Variants in FRMPD2 observed in about 807,000 individuals in gnomAD.
The protein encoded by FRMPD2 is FERM and PDZ domain-containing protein 2.
FRMPD2 carries 96 observed loss-of-function variants against 140.1 expected under a neutral mutation model. The ratio of observed to expected loss-of-function variants is 0.69; its 90% CI spans 0.58 to 0.81. The LOEUF (loss-of-function observed/expected upper bound fraction) is 0.81, where lower values mean the gene tolerates loss of function less well. Ranked by LOEUF, FRMPD2 falls within the 40% of genes least tolerant of loss-of-function variation. FRMPD2 has a pLI of 0.00. For synonymous variants in FRMPD2, 449 were observed against 547.6 expected, an observed-to-expected ratio of 0.82 and a Z score of 2.52; for missense variants, 1,240 against 1,447.4, an observed-to-expected ratio of 0.86 and a Z score of 2.32.
chr10:48,203,608 C>G (rs769447093), intron 14 of FRMPD2, among the ~76,000 whole-genome samples: 3 of 152,072 alleles, frequency 2.0e-5, no homozygotes, highest in Non-Finnish European at 2.9e-5. Flanking sequence ...ATTTTCATCC[C>G]TAGGAGTTCT....
At chr10:48,182,251 G>T (rs1838570450) in intron 20 of FRMPD2, among the ~76,000 whole-genome samples, 1 of 152,112 alleles carries the variant, frequency 6.6e-6, no homozygotes, top group African/African-American at 2.4e-5. Context: ...TGTCATCATT[G>T]TCCTTCTGGC....
chr10:48,253,771 A>G (rs1434517704), intron 1 of FRMPD2, among the ~76,000 whole-genome samples: 1 of 152,188 alleles, frequency 6.6e-6, no homozygotes, highest in African/African-American at 2.4e-5. Context: ...AAATGGGAGC[A>G]CCCATAAAGA....
At chr10:48,212,173 A>G (rs1385157621) in intron 12 of FRMPD2, 64 bp from the exon 13 acceptor site, 1 of 1,521,210 alleles carries the variant, frequency 6.6e-7, no homozygotes, top group Non-Finnish European at 9.1e-7. Context: ...TCTGAGAGGA[A>G]TGAAAACATT....
At chr10:48,212,175 G>T in intron 12 of FRMPD2, 66 bp from the exon 13 acceptor site, 6 of 1,510,794 alleles carry the variant, frequency 4.0e-6, no homozygotes, top group South Asian at 1.2e-5. Flanking sequence ...TGAGAGGAAT[G>T]AAAACATTAT....
chr10:48,216,612 A>C (rs749178686), intron 12 of FRMPD2, among the ~76,000 whole-genome samples: 17 of 152,332 alleles, frequency 1.1e-4, no homozygotes, highest in Non-Finnish European at 2.4e-4. Context: ...ATATCAGAGC[A>C]CTATAATGCT....
intron 1 of FRMPD2, among the ~76,000 whole-genome samples, chr10:48,259,413 A>C (rs1427277137): frequency 1.3e-5 from 2 of 152,244 alleles, no homozygotes; most frequent in Non-Finnish European, 2.9e-5. Context: ...GACTAATTAA[A>C]GCTATATGGG....
At chr10:48,267,869 G>A (rs1461840078) in intron 1 of FRMPD2, among the ~76,000 whole-genome samples, 2 of 152,184 alleles carry the variant, frequency 1.3e-5, no homozygotes, top group Non-Finnish European at 2.9e-5. Context: ...AACACGTTAT[G>A]CTAAAGTGAA....
rs768776357 is a variant in FRMPD2 at position 48,184,641 on chromosome 10, A to G, written c.2509T>C (p.Phe837Leu). 11 of 1,613,670 alleles carry G rather than the reference A, an allele frequency of 6.8e-6. No homozygotes were observed. Among genetic ancestry groups the G allele is most frequent in the Non-Finnish European group, 9.3e-6 (11 of 1,179,642 alleles). The part of the protein sequence containing the change: ...LALNHISLEG[F>L]TFNMAVRMIQ... Reference sequence around the variant, plus strand: ...ATCCTAACAGCCATGTTGAATGTGAAGCCCTCCAGACTGATGTGATTCAGG... The same window carrying G: ...ATCCTAACAGCCATGTTGAATGTGAGGCCCTCCAGACTGATGTGATTCAGG... Residue 837 changes from phenylalanine to leucine, a missense_variant, in exon 20 of 29, where the codon TTC becomes CTC. Physicochemically the swap from Phe to Leu is conservative, Grantham distance 22. Transcript: ENST00000374201.
chr10:48,229,370 GT>G (rs1316081826), intron 10 of FRMPD2, among the ~76,000 whole-genome samples: 3 of 152,106 alleles, frequency 2.0e-5, no homozygotes, highest in Non-Finnish European at 4.4e-5. Flanking sequence ...TTGATCAAGG[GT>G]TTTAAACCTT....
At chr10:48,273,480 C>A (rs1840801954) in intron 1 of FRMPD2, among the ~76,000 whole-genome samples, 1 of 152,162 alleles carries the variant, frequency 6.6e-6, no homozygotes, top group Admixed American at 6.5e-5. Flanking sequence ...GCATGCTTTA[C>A]TTATTCATGC....
At chr10:48,274,340 T>C (rs1202963504) in intron 1 of FRMPD2, among the ~76,000 whole-genome samples, 2 of 152,212 alleles carry the variant, frequency 1.3e-5, no homozygotes, top group Non-Finnish European at 2.9e-5. Context: ...GCCCATTCTT[T>C]ATTGCTAAAA....
chr10:48,237,791 C>T (rs542626909), intron 8 of FRMPD2, among the ~76,000 whole-genome samples, 200 bp downstream of exon 8: 2 of 152,282 alleles, frequency 1.3e-5, no homozygotes, highest in East Asian at 1.9e-4. Context: ...CCCCATAGAG[C>T]CTTCCCCAGT....
intron 1 of FRMPD2, among the ~76,000 whole-genome samples, chr10:48,256,408 A>G (rs151200618): frequency 3.3e-5 from 5 of 152,270 alleles, no homozygotes; most frequent in Middle Eastern, 3.4e-3. Context: ...CCCTAATTGT[A>G]TATTGATTGA....
In FRMPD2 at chr10:48,192,936, A is replaced by T. The variant is rs61737040; in HGVS notation, c.1955-42T>A. 3 of 1,425,574 alleles carry T rather than the reference A, an allele frequency of 2.1e-6. No individual in the cohort carries two copies. The Admixed American group carries it at 5.0e-5, about 24-fold the overall frequency. The allele number at this position is 1,425,574 out of a possible 1,614,324, so 88.3% of individuals were successfully genotyped here. On this transcript the variant is annotated intron_variant, in intron 15 of 28. Coordinates refer to ENST00000374201, the MANE Select transcript of FRMPD2 (RefSeq NM_001018071.4). ...AAACATAGACATACACACACACAAG[A>T]ATGATGCTGGATCCATTGCTCTGGT...
intron 20 of FRMPD2, among the ~76,000 whole-genome samples, chr10:48,182,814 G>T (rs564543085): frequency 2.6e-5 from 4 of 152,204 alleles, no homozygotes; most frequent in African/African-American, 9.6e-5. Flanking sequence ...TTGTGATTTG[G>T]TCACCTGCAT....
chr10:48,233,407 G>A (rs2131928517), intron 9 of FRMPD2, among the ~76,000 whole-genome samples: 1 of 152,308 alleles, frequency 6.6e-6, no homozygotes. Context: ...TCTGGCACAA[G>A]GCCTAGGAAA....
At chr10:48,174,283 TC>T (rs1404828213) in intron 24 of FRMPD2, among the ~76,000 whole-genome samples, 1 of 151,954 alleles carries the variant, frequency 6.6e-6, no homozygotes, top group Non-Finnish European at 1.5e-5. Context: ...GGCAGAGGAC[TC>T]GGCACAGTGG....
chr10:48,164,381 G>A (rs1838039556), intron 27 of FRMPD2, among the ~76,000 whole-genome samples: 1 of 150,994 alleles, frequency 6.6e-6, no homozygotes, highest in Admixed American at 6.6e-5. Flanking sequence ...CTCACTGAAT[G>A]AGTTAAATAA....
intron 1 of FRMPD2, among the ~76,000 whole-genome samples, chr10:48,267,163 G>T (rs1394291759): frequency 1.3e-5 from 2 of 152,106 alleles, no homozygotes; most frequent in Non-Finnish European, 2.9e-5. Context: ...AGTCGCTATT[G>T]CTCATCATAT....
Sources: gnomAD v4.1 joint callset for allele counts (sites outside exome capture counted in the v4.1 genomes callset) on GRCh38, gnomAD v4.1.1 for gene constraint, MANE v1.5 for transcripts, NCBI Gene and HGNC (gene_info 2026-07-23, HGNC 2026-07-21) for gene names.